Variants in FARS2 observed in about 807,000 individuals in gnomAD.
The protein encoded by FARS2 is phenylalanyl-tRNA synthetase 2, mitochondrial.
A neutral mutation model predicts 46.4 loss-of-function variants in FARS2; 40 were observed. The observed-to-expected ratio is 0.86, with a 90% CI of 0.67 to 1.12. The LOEUF is 1.12. Ranked by LOEUF, FARS2 falls within the 50% of genes most tolerant of loss-of-function variation. FARS2 has a pLI of 0.00. For synonymous variants in FARS2, 234 were observed against 214.9 expected (o/e 1.09, Z -0.78); for missense variants, 513 against 567.9 (o/e 0.90, Z 0.98).
At chr6:5,625,169 C>A (rs1294283104) in intron 6 of FARS2, among the ~76,000 whole-genome samples, 1 of 152,094 alleles carries the variant, frequency 6.6e-6, no homozygotes, top group African/African-American at 2.4e-5. Context: ...AGTTAGGTCT[C>A]TAAAGACAGG....
intron 4 of FARS2, among the ~76,000 whole-genome samples, chr6:5,445,359 A>G (rs961453289): frequency 6.6e-6 from 1 of 152,102 alleles, no homozygotes; most frequent in African/African-American, 2.4e-5. Context: ...GAAGTTTAGG[A>G]ATTATTTATG....
chr6:5,379,004 G>A (rs1759576771), intron 2 of FARS2, among the ~76,000 whole-genome samples: 1 of 152,154 alleles, frequency 6.6e-6, no homozygotes, highest in African/African-American at 2.4e-5. Context: ...ACGACAAGAT[G>A]GAAACTATTA....
At chr6:5,320,807 TCCAACA>T (rs1769915027) in intron 1 of FARS2, among the ~76,000 whole-genome samples, 1 of 152,158 alleles carries the variant, frequency 6.6e-6, no homozygotes, top group Non-Finnish European at 1.5e-5. Flanking sequence ...GGCTGAGAAG[TCCAACA>T]CCAAAGCACC....
At chr6:5,756,728 G>A (rs376040230) in intron 6 of FARS2, among the ~76,000 whole-genome samples, 118 of 152,298 alleles carry the variant, frequency 7.7e-4, no homozygotes, top group African/African-American at 2.7e-3. Context: ...GGTACATGTA[G>A]CAGTAGAATC....
intron 6 of FARS2, among the ~76,000 whole-genome samples, chr6:5,736,279 G>A (rs768886232): frequency 6.6e-6 from 1 of 152,244 alleles, no homozygotes; most frequent in Non-Finnish European, 1.5e-5. Context: ...CATGTCTTGA[G>A]TAGCCTGGCT....
intron 5 of FARS2, among the ~76,000 whole-genome samples, chr6:5,553,611 A>G (rs1399617422): frequency 6.6e-6 from 1 of 152,134 alleles, no homozygotes; most frequent in Non-Finnish European, 1.5e-5. Context: ...TTTTTAACAA[A>G]TCTAAAAATC....
In FARS2 at chr6:5,606,322, A is replaced by AT. The variant is rs571585590; in HGVS notation, c.1066-6847_1066-6846insT. Among the ~76,000 whole-genome samples, 39 of 152,158 alleles carry AT rather than the reference A, an allele frequency of 2.6e-4. 1 individual carries two copies. The South Asian group carries it at 7.4e-3, about 29-fold the overall frequency. On this transcript the variant is annotated intron_variant, in intron 5 of 6. Coordinates refer to ENST00000274680, the MANE Select transcript of FARS2 (RefSeq NM_006567.5). ...GATAGATTACCTGTGAAGAAGTAGC[A>AT]CTGACTGACAGCAGACTCGTCACCA...
chr6:5,426,662 C>G (rs2503831), intron 3 of FARS2, among the ~76,000 whole-genome samples: 120,916 of 152,194 alleles, frequency 0.79, 48,718 homozygotes, highest in East Asian at 0.93. Flanking sequence ...ACCTTACTCT[C>G]TCACCCAGGC....
At chr6:5,309,664 T>G (rs914197478) in intron 1 of FARS2, among the ~76,000 whole-genome samples, 1 of 152,186 alleles carries the variant, frequency 6.6e-6, no homozygotes, top group African/African-American at 2.4e-5. Context: ...AAGATATGTA[T>G]GATGAAAACT....
At chr6:5,560,961 T>C (rs1190787542) in intron 5 of FARS2, among the ~76,000 whole-genome samples, 1 of 152,060 alleles carries the variant, frequency 6.6e-6, no homozygotes, top group African/African-American at 2.4e-5. Context: ...AAACCCTGTC[T>C]CTACTAAAAA....
chr6:5,662,232 C>A (rs1041556696), intron 6 of FARS2, among the ~76,000 whole-genome samples: 3 of 151,978 alleles, frequency 2.0e-5, no homozygotes, highest in African/African-American at 7.3e-5. Flanking sequence ...ACAAACTATT[C>A]TATTCATTTG....
chr6:5,539,845 A>C (rs548274792), intron 4 of FARS2, among the ~76,000 whole-genome samples: 25 of 152,246 alleles, frequency 1.6e-4, no homozygotes, highest in Non-Finnish European at 3.5e-4. Context: ...CTCGTCACAC[A>C]GGACAGCCCA....
chr6:5,430,581 T>C (rs1265397099), intron 3 of FARS2, among the ~76,000 whole-genome samples: 1 of 151,492 alleles, frequency 6.6e-6, no homozygotes, highest in African/African-American at 2.4e-5. Flanking sequence ...TATATATATT[T>C]ATATATACTT....
chr6:5,465,528 G>T (rs1029426477), intron 4 of FARS2, among the ~76,000 whole-genome samples: 1 of 152,036 alleles, frequency 6.6e-6, no homozygotes, highest in African/African-American at 2.4e-5. Context: ...ATCTCCAATC[G>T]ATTTTCTGTT....
At chr6:5,288,805 C>T (rs57709989) in intron 1 of FARS2, among the ~76,000 whole-genome samples, 2 of 152,104 alleles carry the variant, frequency 1.3e-5, no homozygotes, top group Admixed American at 1.3e-4. Flanking sequence ...TGAGAGGAAA[C>T]AGCTATTGTT....
At chr6:5,371,334 T>C (rs1330774952) in intron 2 of FARS2, 3 of 180,822 alleles carry the variant, frequency 1.7e-5, no homozygotes, top group Non-Finnish European at 3.2e-5. Context: ...GTAATAATGT[T>C]ACAGAGACAA....
At chr6:5,494,886 C>T (rs753962149) in intron 4 of FARS2, among the ~76,000 whole-genome samples, 4 of 152,142 alleles carry the variant, frequency 2.6e-5, no homozygotes, top group Non-Finnish European at 4.4e-5. Context: ...AAAAAGCAAT[C>T]GAAAATAACT....
At chr6:5,606,151 G>A (rs1162960822) in intron 5 of FARS2, among the ~76,000 whole-genome samples, 1 of 151,948 alleles carries the variant, frequency 6.6e-6, no homozygotes, top group Non-Finnish European at 1.5e-5. Flanking sequence ...TTCAGAATTG[G>A]AACAAGACGT....
intron 2 of FARS2, among the ~76,000 whole-genome samples, chr6:5,386,226 G>T (rs1296302473): frequency 6.6e-6 from 1 of 152,172 alleles, no homozygotes; most frequent in Non-Finnish European, 1.5e-5. Flanking sequence ...GTTTCAGGTG[G>T]TGTGAGTAGC....
Sources: gnomAD v4.1 joint callset for allele counts (sites outside exome capture counted in the v4.1 genomes callset) on GRCh38, gnomAD v4.1.1 for gene constraint, MANE v1.5 for transcripts, NCBI Gene and HGNC (gene_info 2026-07-23, HGNC 2026-07-21) for gene names.